Variants in BMPER observed in about 807,000 individuals in gnomAD.
BMPER encodes the protein BMP binding endothelial regulator.
A neutral mutation model predicts 87.3 loss-of-function variants in BMPER; 45 were observed. The ratio of observed to expected loss-of-function variants is 0.52; its 90% CI spans 0.41 to 0.66. BMPER has a LOEUF of 0.66. Among genes scored for constraint, BMPER ranks in the 30% least tolerant of loss-of-function variants. The pLI is 0.00. For synonymous variants in BMPER, 326 were observed against 316.2 expected, an observed-to-expected ratio of 1.03 and a Z score of -0.33; for missense variants, 784 against 867.5, an observed-to-expected ratio of 0.90 and a Z score of 1.21.
intron 3 of BMPER, among the ~76,000 whole-genome samples, chr7:33,962,000 T>C (rs1374201999): frequency 6.6e-6 from 1 of 152,116 alleles, no homozygotes; most frequent in East Asian, 1.9e-4. Flanking sequence ...TAAGACTAAA[T>C]AGGAGAAACT....
At chr7:34,067,283 T>G (rs1788619385) in intron 11 of BMPER, 3 of 152,114 alleles carry the variant, frequency 2.0e-5, no homozygotes, top group African/African-American at 7.2e-5. Flanking sequence ...CCACAGCCAC[T>G]CGTTTTGGCA....
At chr7:34,063,272 G>A (rs1788488466) in intron 11 of BMPER, among the ~76,000 whole-genome samples, 1 of 152,058 alleles carries the variant, frequency 6.6e-6, no homozygotes, top group African/African-American at 2.4e-5. Context: ...GCACAGGTTT[G>A]TTCTTTCCAA....
At position 34,065,203 on chromosome 7, in the gene BMPER, A is replaced by ACTCTCTCTCTCTCTCTCT. The variant is rs70997564; in HGVS notation, c.1078+3184_1078+3201dup. ...CGGACACACACACACATACACACTC[A>ACTCTCTCTCTCTCTCTCT]CTCTCTCTCTCTCTCTCTCTCTCTC... On this transcript the variant is annotated intron_variant, in intron 11 of 14. Transcript: ENST00000649409. Among the ~76,000 whole-genome samples, 152 of 97,312 alleles carry ACTCTCTCTCTCTCTCTCT rather than the reference A, an allele frequency of 1.6e-3. 3 individuals carry two copies. Among genetic ancestry groups the ACTCTCTCTCTCTCTCTCT allele is most frequent in the Non-Finnish European group, 2.0e-3 (106 of 52,136 alleles). The allele number at this position is 97,312 out of a possible 152,430, so 63.8% of individuals were successfully genotyped here.
Position 33,944,290 on chromosome 7 carries a change from C to T in BMPER, c.319+6902C>T, listed in dbSNP as rs538048308. On this transcript the variant is annotated intron_variant, in intron 3 of 14. Transcript: ENST00000649409. ...AAGTGATTCTCATGCCTCAGCCTCC[C>T]AAGTAGCTGGGATTACAGGTGTGTG... Among the ~76,000 whole-genome samples, 1,090 of 152,118 alleles carry T rather than the reference C, an allele frequency of 7.2e-3. 6 individuals carry two copies. Among genetic ancestry groups the T allele is most frequent in the South Asian group, 0.016 (75 of 4,814 alleles).
intron 6 of BMPER, among the ~76,000 whole-genome samples, chr7:34,005,473 T>C (rs868211277): frequency 1.9e-4 from 29 of 152,172 alleles, no homozygotes; most frequent in Admixed American, 1.6e-3. Context: ...TTAGAGATGA[T>C]GTCTCACTTT....
intron 6 of BMPER, among the ~76,000 whole-genome samples, chr7:34,026,146 G>C (rs1414981218): frequency 6.6e-6 from 1 of 152,034 alleles, no homozygotes; most frequent in East Asian, 1.9e-4. Context: ...TGATGGTAAT[G>C]GGGTTGAGAC....
chr7:34,141,558 T>A lies in BMPER; in HGVS notation c.1746-1672T>A, dbSNP rs187442027. On this transcript the variant is annotated intron_variant, in intron 13 of 14. Transcript: ENST00000649409. ...CCAAGAGGTGGAGGTTGTAGTGAGC[T>A]GAGATCGCACCATTGCACTCCAGCC... Among the ~76,000 whole-genome samples, 166 of 133,326 alleles carry A rather than the reference T, an allele frequency of 1.2e-3. 1 individual carries two copies. Among genetic ancestry groups the A allele is most frequent in the Non-Finnish European group, 9.6e-4 (63 of 65,884 alleles). The allele number at this position is 133,326 out of a possible 152,430, so 87.5% of individuals were successfully genotyped here.
intron 6 of BMPER, among the ~76,000 whole-genome samples, chr7:33,992,273 A>G (rs372489460): frequency 0.15 from 17,519 of 117,290 alleles, 1,092 homozygotes; most frequent in Admixed American, 0.2. Context: ...TAAGTCACTC[A>G]GGACTTGCTT....
chr7:34,098,294 C>T (rs1789584484), intron 13 of BMPER, among the ~76,000 whole-genome samples: 1 of 152,034 alleles, frequency 6.6e-6, no homozygotes, highest in Admixed American at 6.5e-5. Flanking sequence ...TGCAGAGCTG[C>T]CCAAATTCTC....
chr7:34,000,075 C>T (rs1188337162), intron 6 of BMPER, among the ~76,000 whole-genome samples: 1 of 152,116 alleles, frequency 6.6e-6, no homozygotes, highest in Non-Finnish European at 1.5e-5. Context: ...TAATTCTTTT[C>T]TCCAACAAAC....
At chr7:33,965,238 ATTT>A (rs1383334497) in intron 3 of BMPER, among the ~76,000 whole-genome samples, 1 of 152,176 alleles carries the variant, frequency 6.6e-6, no homozygotes, top group Non-Finnish European at 1.5e-5. Flanking sequence ...TACTTTAGTA[ATTT>A]GATTTGTAGG....
chr7:33,939,986 G>T, intron 3 of BMPER: 1 of 293,352 alleles, frequency 3.4e-6, no homozygotes, highest in East Asian at 9.0e-5. Context: ...ACACAGTCCT[G>T]TTCACTCTTA....
rs535471657 is a variant in BMPER, at chr7:34,091,103, T to C, written c.1745+5011T>C. Among the ~76,000 whole-genome samples the C allele has an allele frequency of 5.3e-5, 8 of 152,278 alleles. No individual in the cohort carries two copies. In the East Asian group the frequency reaches 1.4e-3, roughly 26 times the overall value. On this transcript the variant is annotated intron_variant, in intron 13 of 14. Transcript: ENST00000649409. ...GACAGGACCTTCGTGTTGGATATACTGGGATCCTGGGACTGCCAGTGGCTT... is the reference window on the plus strand; with the variant it reads ...GACAGGACCTTCGTGTTGGATATACCGGGATCCTGGGACTGCCAGTGGCTT...
intron 3 of BMPER, among the ~76,000 whole-genome samples, chr7:33,957,654 T>G (rs1199390862): frequency 6.6e-6 from 1 of 152,178 alleles, no homozygotes; most frequent in Non-Finnish European, 1.5e-5. Flanking sequence ...AATTGTCAAT[T>G]TCCTTGTTTT....
chr7:33,942,091 G>A (rs79129029), intron 3 of BMPER, among the ~76,000 whole-genome samples: 176 of 152,072 alleles, frequency 1.2e-3, no homozygotes, highest in Non-Finnish European at 1.9e-3. Context: ...AGTATTATTC[G>A]TGGATGACCA....
At chr7:34,004,461 T>TTTTTTGTTGTTGCTATTG (rs1786672203) in intron 6 of BMPER, among the ~76,000 whole-genome samples, 1 of 152,152 alleles carries the variant, frequency 6.6e-6, no homozygotes, top group Non-Finnish European at 1.5e-5. Context: ...GCATATCTCA[T>TTTTTTGTTGTTGCTATTG]TTTTTGTTGT....
chr7:34,062,632 G>A (rs1451008219), intron 11 of BMPER, among the ~76,000 whole-genome samples: 1 of 152,166 alleles, frequency 6.6e-6, no homozygotes, highest in Non-Finnish European at 1.5e-5. Context: ...AGGTGATTTT[G>A]TTGTTGTGTG....
chr7:34,021,835 C>A (rs1787195782), intron 6 of BMPER, among the ~76,000 whole-genome samples: 1 of 151,968 alleles, frequency 6.6e-6, no homozygotes, highest in African/African-American at 2.4e-5. Flanking sequence ...TCCATCCCTC[C>A]ATCCATTGAA....
chr7:33,910,782 T>C (rs1021789375), intron 2 of BMPER, among the ~76,000 whole-genome samples: 1 of 152,234 alleles, frequency 6.6e-6, no homozygotes, highest in African/African-American at 2.4e-5. Flanking sequence ...TGTCTTCTAC[T>C]TTTTTAATCA....
Sources: gnomAD v4.1 joint callset for allele counts (sites outside exome capture counted in the v4.1 genomes callset) on GRCh38, gnomAD v4.1.1 for gene constraint, MANE v1.5 for transcripts, NCBI Gene and HGNC (gene_info 2026-07-23, HGNC 2026-07-21) for gene names.